Variants in ELAPOR2 observed in about 807,000 individuals in gnomAD.
The protein encoded by ELAPOR2 is endosome-lysosome associated apoptosis and autophagy regulator family member 2, also known as endosome/lysosome-associated apoptosis and autophagy regulator family member 2.
In ELAPOR2, 89 loss-of-function variants were observed where a neutral mutation model predicts 120.7. The observed-to-expected ratio is 0.74, with a 90% confidence interval of 0.62 to 0.88. The LOEUF is 0.88. ELAPOR2 is among the 40% of genes least tolerant of loss of function. The probability of loss-of-function intolerance (pLI) is 0.00; values close to 1 mark genes in which losing one functional copy is unlikely to be tolerated. For synonymous variants in ELAPOR2, 444 were observed against 444.9 expected, an observed-to-expected ratio of 1.00 and a Z score of 0.03; for missense variants, 1,134 against 1,251.6, an observed-to-expected ratio of 0.91 and a Z score of 1.42.
At chr7:86,993,234 C>CAAAAAAAAAAAAAAAA (rs1159917841) in intron 1 of ELAPOR2, among the ~76,000 whole-genome samples, 21 of 57,092 alleles carry the variant, frequency 3.7e-4, no homozygotes, top group African/African-American at 6.9e-4. Flanking sequence ...GACTCCATCT[C>CAAAAAAAAAAAAAAAA]AAAAAAAAAA....
chr7:86,896,018 C>T (rs1788420518), intron 19 of ELAPOR2, among the ~76,000 whole-genome samples: 1 of 152,078 alleles, frequency 6.6e-6, no homozygotes, highest in Non-Finnish European at 1.5e-5. Context: ...AAGAAACTGT[C>T]TCAGCAGTGT....
At chr7:86,902,672 C>T (rs1022422912) in intron 18 of ELAPOR2, among the ~76,000 whole-genome samples, 14 of 152,186 alleles carry the variant, frequency 9.2e-5, no homozygotes, top group Admixed American at 2.6e-4. Flanking sequence ...TCCAATCAGA[C>T]TGGCACTGGA....
Position 86,907,026 on chromosome 7 carries a change from A to G in ELAPOR2, c.2558+644T>C, listed in dbSNP as rs555523641. Among the ~76,000 whole-genome samples, 15 of 152,320 alleles carry G rather than the reference A, an allele frequency of 9.8e-5. No homozygotes were observed. In the South Asian group the frequency reaches 3.1e-3, roughly 32 times the overall value. On this transcript the variant is annotated intron_variant, in intron 18 of 21. Transcript: ENST00000450689. ...TATTTAAGTTGACAATTCTGAGCCT[A>G]CAAAATTGTTTTCTTGTTGTTTTCC...
rs909139388 is a variant in ELAPOR2 at position 86,985,859 on chromosome 7, T to C, written c.190-20835A>G. On this transcript the variant is annotated intron_variant, in intron 1 of 21. Coordinates refer to ENST00000450689, the MANE Select transcript of ELAPOR2 (RefSeq NM_001142749.3). ...CAGGCCCCAGTGTGTGATGTTCCCC[T>C]TCCTGTGTCCATGTATTCTCTCAAT... Among the ~76,000 whole-genome samples, 6 of 146,162 alleles carry C rather than the reference T, an allele frequency of 4.1e-5. No individual in the cohort carries two copies. The South Asian group carries it at 1.2e-3, about 29-fold the overall frequency.
intron 1 of ELAPOR2, among the ~76,000 whole-genome samples, chr7:87,053,914 C>G (rs1795188335): frequency 6.6e-6 from 1 of 152,142 alleles, no homozygotes; most frequent in African/African-American, 2.4e-5. Context: ...TTCATTCTCA[C>G]TGCACACGGA....
intron 1 of ELAPOR2, among the ~76,000 whole-genome samples, chr7:87,031,357 T>C (rs1211811646): frequency 6.6e-6 from 1 of 152,206 alleles, no homozygotes; most frequent in Non-Finnish European, 1.5e-5. Context: ...TCAATGCTCA[T>C]TACCATGAAC....
chr7:87,011,267 AAG>A (rs1376718402), intron 1 of ELAPOR2, among the ~76,000 whole-genome samples: 14 of 149,356 alleles, frequency 9.4e-5, no homozygotes, highest in African/African-American at 3.3e-4. Flanking sequence ...AAAAAAAAAA[AAG>A]AAAAGAAAAA....
At chr7:86,900,739 C>T (rs1370380333) in intron 18 of ELAPOR2, among the ~76,000 whole-genome samples, 1 of 152,062 alleles carries the variant, frequency 6.6e-6, no homozygotes, top group African/African-American at 2.4e-5. Context: ...TTGTTATAAA[C>T]CTAAATGTCA....
chr7:87,012,142 T>G (rs1194180388), intron 1 of ELAPOR2, among the ~76,000 whole-genome samples: 2 of 152,212 alleles, frequency 1.3e-5, no homozygotes, highest in African/African-American at 4.8e-5. Context: ...CCGGGCGTGG[T>G]GGCTCACACC....
chr7:86,902,437 G>A (rs1584325844), intron 18 of ELAPOR2, among the ~76,000 whole-genome samples: 1 of 152,232 alleles, frequency 6.6e-6, no homozygotes, highest in African/African-American at 2.4e-5. Context: ...CGGCCTCCCA[G>A]ATTGCTGGGA....
chr7:86,986,177 C>A lies in ELAPOR2; in HGVS notation c.190-21153G>T, dbSNP rs1316599109. On this transcript the variant is annotated intron_variant, in intron 1 of 21. Coordinates refer to ENST00000450689, the MANE Select transcript of ELAPOR2 (RefSeq NM_001142749.3). Reference sequence around the variant, plus strand: ...TTAGAAAACCCCTCACGCCTGTAATCCCAGCACTTTGGGAGGCCGAGGCGG... The same window carrying A: ...TTAGAAAACCCCTCACGCCTGTAATACCAGCACTTTGGGAGGCCGAGGCGG... Among the ~76,000 whole-genome samples the A allele has an allele frequency of 7.7e-5, 7 of 91,076 alleles. 1 individual carries two copies. The highest frequency in any genetic ancestry group is 6.9e-4 in the Admixed American group (7 of 10,082). 59.7% of individuals were successfully genotyped at this position (91,076 alleles called of 152,430 possible).
chr7:86,916,208 A>C (rs981824188), intron 12 of ELAPOR2, among the ~76,000 whole-genome samples: 1 of 152,172 alleles, frequency 6.6e-6, no homozygotes, highest in Non-Finnish European at 1.5e-5. Flanking sequence ...ACAAAAACAT[A>C]AATAAGTTCA....
intron 1 of ELAPOR2, among the ~76,000 whole-genome samples, chr7:87,049,212 C>T (rs1795034163): frequency 6.6e-6 from 1 of 151,932 alleles, no homozygotes; most frequent in African/African-American, 2.4e-5. Flanking sequence ...ATTATGGATG[C>T]TAAAAGGACT....
intron 12 of ELAPOR2, among the ~76,000 whole-genome samples, chr7:86,916,902 C>T (rs1406364193): frequency 6.6e-6 from 1 of 151,574 alleles, no homozygotes; most frequent in African/African-American, 2.4e-5. Flanking sequence ...ATTAAAGCTC[C>T]CAAGTAGCTC....
At position 86,919,321 on chromosome 7, in the gene ELAPOR2, T is replaced by C; in HGVS notation, c.1400-11A>G. The C allele has an allele frequency of 3.9e-6, 6 of 1,541,598 alleles. No homozygotes were observed. Among genetic ancestry groups the C allele is most frequent in the Non-Finnish European group, 5.3e-6 (6 of 1,129,686 alleles). ...CAGCCACCTCCCAACCTAGAAGTAA[T>C]AAAAGTCATTTTTATTAATAAAAAT... On this transcript the variant is annotated splice_polypyrimidine_tract_variant and intron_variant, in intron 10 of 21. Coordinates refer to ENST00000450689, the MANE Select transcript of ELAPOR2 (RefSeq NM_001142749.3).
At chr7:86,936,090 G>C (rs1272713825) in intron 8 of ELAPOR2, among the ~76,000 whole-genome samples, 1 of 151,924 alleles carries the variant, frequency 6.6e-6, no homozygotes, top group African/African-American at 2.4e-5. Context: ...GGCAAAATAA[G>C]ATCAAAGAGA....
intron 1 of ELAPOR2, among the ~76,000 whole-genome samples, chr7:87,038,184 AT>A: frequency 6.6e-6 from 1 of 152,156 alleles, no homozygotes; most frequent in Non-Finnish European, 1.5e-5. Flanking sequence ...CTGCTTCCAT[AT>A]TTTTCTCAAA....
chr7:86,966,267 C>A (rs756443840), intron 1 of ELAPOR2, among the ~76,000 whole-genome samples: 4 of 152,122 alleles, frequency 2.6e-5, no homozygotes, highest in Non-Finnish European at 5.9e-5. Context: ...AAAGGGGTCA[C>A]CTTTCCTCCA....
At chr7:86,997,089 A>C (rs560649046) in intron 1 of ELAPOR2, among the ~76,000 whole-genome samples, 34 of 152,294 alleles carry the variant, frequency 2.2e-4, no homozygotes, top group Non-Finnish European at 3.4e-4. Flanking sequence ...TTCCAAGTAG[A>C]TATCTATCCC....
Sources: gnomAD v4.1 joint callset for allele counts (sites outside exome capture counted in the v4.1 genomes callset) on GRCh38, gnomAD v4.1.1 for gene constraint, MANE v1.5 for transcripts, NCBI Gene and HGNC (gene_info 2026-07-23, HGNC 2026-07-21) for gene names.